The following ZNF146 variants were observed in gnomAD, a reference collection of about 807,000 sequenced individuals.
The protein encoded by ZNF146 is zinc finger protein 146.
ZNF146 carries 9 observed loss-of-function variants against 22.2 expected under a neutral mutation model. The ratio of observed to expected loss-of-function variants is 0.41; its 90% CI spans 0.24 to 0.71. ZNF146 has a LOEUF of 0.71. Among genes scored for constraint, ZNF146 ranks in the 30% least tolerant of loss-of-function variants. The pLI is 0.34. For missense variants in ZNF146, 194 were observed against 344.8 expected, an observed-to-expected ratio of 0.56 and a Z score of 3.46; for synonymous variants, 108 against 119.2, an observed-to-expected ratio of 0.91 and a Z score of 0.61.
chr19:36,225,284 T>C (rs542165652), intron 2 of ZNF146, among the ~76,000 whole-genome samples: 2 of 152,290 alleles, frequency 1.3e-5, no homozygotes, highest in South Asian at 2.1e-4. Context: ...CCTCAAAATT[T>C]CGTTATTGCA....
intron 3 of ZNF146, among the ~76,000 whole-genome samples, chr19:36,233,033 G>A (rs1977457009): frequency 2.0e-5 from 3 of 152,136 alleles, no homozygotes; most frequent in Admixed American, 2.0e-4. Context: ...TATTTTGTGT[G>A]CTGAGGCATC....
chr19:36,227,181 G>A (rs1473318975), intron 2 of ZNF146, among the ~76,000 whole-genome samples: 1 of 151,866 alleles, frequency 6.6e-6, no homozygotes, highest in Non-Finnish European at 1.5e-5. Flanking sequence ...CTGAGGTCAG[G>A]GGTTCAAGAC....
At chr19:36,223,130 CTT>C (rs1020704507) in intron 2 of ZNF146, among the ~76,000 whole-genome samples, 3 of 151,526 alleles carry the variant, frequency 2.0e-5, no homozygotes, top group Non-Finnish European at 4.4e-5. Flanking sequence ...ATTTTCAAAA[CTT>C]TTGGCTGGGC....
intron 2 of ZNF146, among the ~76,000 whole-genome samples, chr19:36,227,711 C>T (rs1047886664): frequency 2.6e-5 from 4 of 152,138 alleles, no homozygotes; most frequent in African/African-American, 9.7e-5. Flanking sequence ...CACACCATTG[C>T]GCCCAGCTAA....
intron 2 of ZNF146, among the ~76,000 whole-genome samples, chr19:36,225,846 C>T (rs1977045162): frequency 6.6e-6 from 1 of 150,466 alleles, no homozygotes; most frequent in Non-Finnish European, 1.5e-5. Flanking sequence ...CTGCAACGTC[C>T]ACCTCCCAGG....
rs1249466097 is a variant in ZNF146, at chr19:36,237,200, A to G, written c.760A>G (p.Thr254Ala). The change falls in exon 4 of 4, where the codon ACC (threonine) becomes GCC (alanine). Residue 254 changes from threonine (T) to alanine (A), a missense_variant. By Grantham distance (58) the Thr-to-Ala change is moderately conservative. This residue lies in a region of ZNF146 where 147 missense variants were observed against 300.1 expected (regional missense o/e 0.49). Transcript: ENST00000443387. ...TGGGAAAGCTTTCTCTCAGTTCTCA[A>G]CCCTTGCTCTGCATTTGAGAATACA... is the stretch of plus-strand genomic sequence containing the variant. ...ECGKAFSQFSTLALHLRIHTG... is the reference protein window; with the variant it reads ...ECGKAFSQFSALALHLRIHTG... 6.2e-7 allele frequency: 1 copy of G among 1,614,050 alleles called. No homozygotes were observed. Among genetic ancestry groups the G allele is most frequent in the Non-Finnish European group, 8.5e-7 (1 of 1,179,992 alleles).
chr19:36,215,949 T>C (rs755429321), intron 1 of ZNF146, among the ~76,000 whole-genome samples: 8 of 152,230 alleles, frequency 5.3e-5, no homozygotes, highest in African/African-American at 1.9e-4. Context: ...AATTCCTTAA[T>C]GAGTCGAGGC....
At position 36,217,025 on chromosome 19, in the gene ZNF146, A is replaced by C. The variant is rs1008267102; in HGVS notation, c.-928-1097A>C. The stretch of plus-strand genomic sequence containing the variant: ...AGTGAGCAGAGATCCTGGCGACAGC[A>C]TTCCAGCTTGGTGGACAGCCAGTCC... On this transcript the variant is annotated intron_variant, in intron 1 of 3. Transcript: ENST00000443387. Among the ~76,000 whole-genome samples, 4 of 143,786 alleles carry C rather than the reference A, an allele frequency of 2.8e-5. No homozygotes were observed. The East Asian group carries it at 8.3e-4, about 30-fold the overall frequency. The allele number at this position is 143,786 out of a possible 152,430, so 94.3% of individuals were successfully genotyped here.
At chr19:36,233,436 A>G (rs2972543) in intron 3 of ZNF146, among the ~76,000 whole-genome samples, 96,331 of 151,930 alleles carry the variant, frequency 0.63, 30,737 homozygotes, top group Middle Eastern at 0.71. Context: ...GAGACACAGA[A>G]ACAAAGTATA....
chr19:36,220,920 T>C (rs545517095), intron 2 of ZNF146, among the ~76,000 whole-genome samples: 1 of 151,924 alleles, frequency 6.6e-6, no homozygotes, highest in East Asian at 1.9e-4. Context: ...GGTGTGATCT[T>C]GGCTCACTTG....
intron 3 of ZNF146, among the ~76,000 whole-genome samples, chr19:36,234,018 A>G (rs1977524921): frequency 6.6e-6 from 1 of 152,198 alleles, no homozygotes. Flanking sequence ...TTTCCTAGGC[A>G]GAGGTCCCTG....
In ZNF146 at chr19:36,235,681, A is replaced by T. The variant is rs2145466428; in HGVS notation, c.-760A>T. The T allele has an allele frequency of 6.6e-6, 1 of 152,372 alleles. No individual in the cohort carries two copies. Among genetic ancestry groups the T allele is most frequent in the African/African-American group, 2.4e-5 (1 of 41,576 alleles). 9.4% of individuals were successfully genotyped at this position (152,372 alleles called of 1,614,324 possible). A position where few individuals can be genotyped will look rare whatever the true frequency, so the allele number is the denominator to read the frequency against. ...TAGAAGAAGCCTGAGAAGATGATGC[A>T]CAGATAGAGAGGCACCAGGACTTGA... On this transcript the variant is annotated 5_prime_UTR_variant, in exon 4 of 4. Coordinates refer to ENST00000443387, the MANE Select transcript of ZNF146 (RefSeq NM_007145.3).
At chr19:36,229,373 C>G (rs1977221371) in intron 3 of ZNF146, among the ~76,000 whole-genome samples, 1 of 152,118 alleles carries the variant, frequency 6.6e-6, no homozygotes, top group African/African-American at 2.4e-5. Flanking sequence ...TTTCCCTCTG[C>G]TACTTTTATG....
At chr19:36,223,363 T>G (rs1341775039) in intron 2 of ZNF146, among the ~76,000 whole-genome samples, 5 of 151,376 alleles carry the variant, frequency 3.3e-5, no homozygotes, top group Admixed American at 2.0e-4. Context: ...AAAAATCTAG[T>G]TACATTTTTT....
intron 3 of ZNF146, among the ~76,000 whole-genome samples, chr19:36,233,732 A>T (rs1280224010): frequency 1.3e-5 from 2 of 152,260 alleles, no homozygotes; most frequent in Non-Finnish European, 2.9e-5. Flanking sequence ...TGTTGCTGCC[A>T]GCATGTCCCA....
At chr19:36,225,475 T>C (rs894708534) in intron 2 of ZNF146, among the ~76,000 whole-genome samples, 2 of 152,166 alleles carry the variant, frequency 1.3e-5, no homozygotes, top group African/African-American at 4.8e-5. Flanking sequence ...CATTTTGTTA[T>C]GTTTCAGTTT....
chr19:36,218,335 T>C (rs1976699365), intron 2 of ZNF146, 140 bp downstream of exon 2: 1 of 152,098 alleles, frequency 6.6e-6, no homozygotes, highest in African/African-American at 2.4e-5. Context: ...GTGTAGTAAG[T>C]ACTTGATTAA....
At chr19:36,218,971 G>T (rs1292603980) in intron 2 of ZNF146, among the ~76,000 whole-genome samples, 3 of 149,244 alleles carry the variant, frequency 2.0e-5, no homozygotes, top group Non-Finnish European at 4.4e-5. Context: ...ACCACGTCCG[G>T]CTAATTTTTT....
intron 3 of ZNF146, among the ~76,000 whole-genome samples, chr19:36,229,997 G>A (rs1160484359): frequency 6.6e-6 from 1 of 152,208 alleles, no homozygotes; most frequent in East Asian, 1.9e-4. Flanking sequence ...TGGGATTACA[G>A]GTTTGAGCCA....
Sources: gnomAD v4.1 joint callset for allele counts (sites outside exome capture counted in the v4.1 genomes callset) on GRCh38, gnomAD v4.1.1 for gene constraint, gnomAD v4.1.1 regional missense constraint, MANE v1.5 for transcripts, NCBI Gene and HGNC (gene_info 2026-07-23, HGNC 2026-07-21) for gene names.